Variants in BLMH observed in about 807,000 individuals in gnomAD.
BLMH encodes the protein BLM hydrolase.
Under a neutral mutation model 61.6 loss-of-function variants are expected in BLMH, and 32 were observed. That is an observed-to-expected ratio of 0.52 (90% CI 0.39 to 0.70). BLMH has a LOEUF of 0.70. Among genes scored for constraint, BLMH ranks in the 30% least tolerant of loss-of-function variants. The probability of loss-of-function intolerance (pLI) is 0.00; values close to 1 mark genes in which losing one functional copy is unlikely to be tolerated. For missense variants in BLMH, 460 were observed against 555.5 expected, an observed-to-expected ratio of 0.83 and a Z score of 1.73; for synonymous variants, 183 against 193.8, an observed-to-expected ratio of 0.94 and a Z score of 0.46.
chr17:30,271,207 C>G lies in BLMH; in HGVS notation c.1146+64G>C, dbSNP rs1343895599. The G allele has an allele frequency of 1.7e-5, 20 of 1,194,680 alleles. No homozygotes were observed. In the East Asian group the frequency reaches 4.7e-4, roughly 28 times the overall value. 74.0% of individuals were successfully genotyped at this position (1,194,680 alleles called of 1,614,324 possible). A position where few individuals can be genotyped will look rare whatever the true frequency, so the allele number is the denominator to read the frequency against. On this transcript the variant is annotated intron_variant, in intron 10 of 11. Coordinates refer to ENST00000261714, the MANE Select transcript of BLMH (RefSeq NM_000386.4). ...TATGAATGAAGCTTTGTTGGGTAAA[C>G]AGTCTACAGGAGAATGTAGATCCAT...
At chr17:30,279,494 AC>A (rs1908523472) in intron 6 of BLMH, among the ~76,000 whole-genome samples, 1 of 152,338 alleles carries the variant, frequency 6.6e-6, no homozygotes, top group Admixed American at 6.5e-5. Context: ...CTTTCTAGCA[AC>A]CTATAACTAG....
At chr17:30,266,759 G>T in intron 11 of BLMH, 126 bp downstream of exon 11, 2 of 834,244 alleles carry the variant, frequency 2.4e-6, no homozygotes, top group Non-Finnish European at 3.9e-6. Flanking sequence ...AGATTTTTCT[G>T]TAGAATAATC....
At chr17:30,274,017 G>GTGAC (rs763160875) in intron 7 of BLMH, 25 bp downstream of exon 7, 6 of 1,613,068 alleles carry the variant, frequency 3.7e-6, no homozygotes, top group Non-Finnish European at 5.1e-6. Flanking sequence ...TAAACAGCCA[G>GTGAC]TGACTACCAG....
chr17:30,268,076 G>A (rs571007423), intron 10 of BLMH, among the ~76,000 whole-genome samples: 7 of 152,124 alleles, frequency 4.6e-5, no homozygotes, highest in South Asian at 4.2e-4. Context: ...AAACCATATC[G>A]TTATATACTA....
intron 11 of BLMH, among the ~76,000 whole-genome samples, chr17:30,253,603 C>A (rs1477610822): frequency 6.6e-6 from 1 of 152,128 alleles, no homozygotes; most frequent in Non-Finnish European, 1.5e-5. Context: ...TTCGGCTGGC[C>A]CTTTTGACTT....
chr17:30,276,133 C>T (rs1908418319), intron 6 of BLMH, among the ~76,000 whole-genome samples: 1 of 150,250 alleles, frequency 6.7e-6, no homozygotes, highest in African/African-American at 2.5e-5. Flanking sequence ...AGGTCACATG[C>T]TGTCAAAAAC....
intron 11 of BLMH, among the ~76,000 whole-genome samples, chr17:30,260,052 G>A (rs529209835): frequency 2.0e-5 from 3 of 152,142 alleles, no homozygotes; most frequent in Non-Finnish European, 4.4e-5. Context: ...AGCAATGGGA[G>A]CTAATATTTC....
At chr17:30,263,393 C>T (rs1177179091) in intron 11 of BLMH, among the ~76,000 whole-genome samples, 3 of 152,100 alleles carry the variant, frequency 2.0e-5, no homozygotes, top group Admixed American at 6.6e-5. Flanking sequence ...GATAATATAT[C>T]AAATCCCGAA....
intron 4 of BLMH, 149 bp from the exon 5 acceptor site, chr17:30,287,051 TTG>T: frequency 1.6e-6 from 1 of 613,078 alleles, no homozygotes; most frequent in Non-Finnish European, 2.8e-6. Context: ...TTTTTGTTTT[TTG>T]TTTTTTGTTT....
chr17:30,289,440 G>C lies in BLMH; in HGVS notation c.254C>G (p.Pro85Arg). Residue 85 changes from proline (P) to arginine (R), a missense_variant, in exon 3 of 12, where the codon CCA becomes CGA. Coordinates refer to ENST00000261714, the MANE Select transcript of BLMH (RefSeq NM_000386.4). ...TTCAATATTTAACTTTTTCATGAAT[G>C]GAAGCCTCATAACATTCAGACAAGA... is the stretch of plus-strand genomic sequence containing the variant. ...IFSCLNVMRL[P>R]FMKKLNIEEF... 1 of 1,612,288 alleles carries C rather than the reference G, an allele frequency of 6.2e-7. No individual in the cohort carries two copies. Among genetic ancestry groups the C allele is most frequent in the South Asian group, 1.1e-5 (1 of 90,752 alleles).
At chr17:30,279,564 A>C (rs7208052) in intron 6 of BLMH, among the ~76,000 whole-genome samples, 44,039 of 152,156 alleles carry the variant, frequency 0.29, 6,791 homozygotes, top group Admixed American at 0.33. Context: ...AATATATTTC[A>C]TAAGAAGGTG....
chr17:30,262,524 G>C (rs142537711), intron 11 of BLMH, among the ~76,000 whole-genome samples: 1 of 152,180 alleles, frequency 6.6e-6, no homozygotes, highest in South Asian at 2.1e-4. Context: ...GGCCGGGCAC[G>C]GTGGCTCACG....
At chr17:30,262,086 C>G (rs1218506210) in intron 11 of BLMH, among the ~76,000 whole-genome samples, 1 of 152,084 alleles carries the variant, frequency 6.6e-6, no homozygotes, top group Non-Finnish European at 1.5e-5. Context: ...CCAGGAGAGA[C>G]AAAATTTTTA....
intron 6 of BLMH, among the ~76,000 whole-genome samples, chr17:30,283,732 G>A (rs372306556): frequency 6.6e-6 from 1 of 152,030 alleles, no homozygotes; most frequent in African/African-American, 2.4e-5. Context: ...ATGTTGGTCA[G>A]GATGGTCTTG....
intron 6 of BLMH, 35 bp downstream of exon 6, chr17:30,285,353 G>A: frequency 6.9e-7 from 1 of 1,449,368 alleles, no homozygotes; most frequent in Non-Finnish European, 9.6e-7. Context: ...GAGTTCCTTA[G>A]AGGGGTCACA....
At chr17:30,252,419 A>C (rs1907692196) in intron 11 of BLMH, among the ~76,000 whole-genome samples, 1 of 150,948 alleles carries the variant, frequency 6.6e-6, no homozygotes, top group Non-Finnish European at 1.5e-5. Context: ...TGTGGAGGCC[A>C]GGTGCAGTGG....
At chr17:30,249,400 G>A in intron 11 of BLMH, 1 of 492,580 alleles carries the variant, frequency 2.0e-6, no homozygotes, top group South Asian at 2.2e-5. Flanking sequence ...ACTAGGTGAT[G>A]TGCCCAGGTC....
rs1433658676 is a variant in BLMH at position 30,291,355 on chromosome 17, G to A, written c.167C>T (p.Ala56Val). The A allele has an allele frequency of 6.2e-7, 1 of 1,612,730 alleles. No homozygotes were observed. ...VQRAQHVFQH[A>V]VPQEGKPITN... is the part of the protein sequence containing the mutation. ...GATTGGCTTGCCCTCCTGGGGCACG[G>A]CGTGCTGGAACACATGCTGCGCGCG... is the stretch of plus-strand genomic sequence containing the variant. Residue 56 changes from alanine to valine, a missense_variant, in exon 2 of 12, where the codon GCC (alanine) becomes GTC (valine). This residue lies in a region of BLMH where 86 missense variants were observed against 84.5 expected (regional missense o/e 1.02). Coordinates refer to ENST00000261714, the MANE Select transcript of BLMH (RefSeq NM_000386.4).
chr17:30,272,365 G>A (rs1908299982), intron 9 of BLMH, 196 bp downstream of exon 9: 1 of 632,760 alleles, frequency 1.6e-6, no homozygotes, highest in Non-Finnish European at 2.8e-6. Context: ...GGATTTTGAT[G>A]TCCTGGGTTA....
Sources: gnomAD v4.1 joint callset for allele counts (sites outside exome capture counted in the v4.1 genomes callset) on GRCh38, gnomAD v4.1.1 for gene constraint, gnomAD v4.1.1 regional missense constraint, MANE v1.5 for transcripts, NCBI Gene and HGNC (gene_info 2026-07-23, HGNC 2026-07-21) for gene names.